The following RASA1 variants were observed in gnomAD, a reference collection of about 807,000 sequenced individuals.
RASA1 encodes RAS p21 protein activator 1, also known as ras GTPase-activating protein 1.
In RASA1, 25 loss-of-function variants were observed where a neutral mutation model predicts 132.2. The ratio of observed to expected loss-of-function variants is 0.19; its 90% confidence interval spans 0.14 to 0.26. RASA1 has a LOEUF of 0.26. Among genes scored for constraint, RASA1 ranks in the 10% least tolerant of loss-of-function variants. The pLI is 1.00. For missense variants in RASA1, 964 were observed against 1,299.2 expected (o/e 0.74, Z 3.97); for synonymous variants, 477 against 449.9 (o/e 1.06, Z -0.76).
At chr5:87,374,427 C>A in intron 14 of RASA1, 107 bp downstream of exon 14, 1 of 789,538 alleles carries the variant, frequency 1.3e-6, no homozygotes, top group Non-Finnish European at 1.9e-6. Context: ...GTACCATATC[C>A]AGGTGTTCTA....
chr5:87,282,750 G>T (rs1020020697), intron 1 of RASA1, among the ~76,000 whole-genome samples: 2 of 151,896 alleles, frequency 1.3e-5, no homozygotes, highest in Admixed American at 6.6e-5. Flanking sequence ...TCTTCCTGTT[G>T]TTCAGATGGG....
At chr5:87,350,956 G>A (rs2112425853) in intron 8 of RASA1, among the ~76,000 whole-genome samples, 1 of 151,734 alleles carries the variant, frequency 6.6e-6, no homozygotes, top group Non-Finnish European at 1.5e-5. Context: ...TGTTAGTAAT[G>A]TCAGAAATAA....
chr5:87,341,444 CT>C, intron 6 of RASA1, 123 bp downstream of exon 6: 1 of 485,938 alleles, frequency 2.1e-6, no homozygotes, highest in Non-Finnish European at 3.3e-6. Flanking sequence ...TTAAATTTGG[CT>C]TAGGGAACTG....
intron 5 of RASA1, among the ~76,000 whole-genome samples, chr5:87,340,918 A>C (rs1758385868): frequency 6.6e-6 from 1 of 152,098 alleles, no homozygotes; most frequent in African/African-American, 2.4e-5. Context: ...GTGGTAAACG[A>C]CTTCAGTTGC....
At chr5:87,324,609 G>T (rs572632451) in intron 1 of RASA1, among the ~76,000 whole-genome samples, 28 of 152,192 alleles carry the variant, frequency 1.8e-4, no homozygotes, top group Non-Finnish European at 2.9e-4. Flanking sequence ...CCCTTACTTT[G>T]AACTAACTTG....
Position 87,276,552 on chromosome 5 carries a change from T to C in RASA1, c.539+7562T>C, listed in dbSNP as rs534464604. The stretch of plus-strand genomic sequence containing the variant: ...AGAAATATACAATTCTACAGTCTAG[T>C]TGGAAGATGAGGCATTACTGGTAGG... On this transcript the variant is annotated intron_variant, in intron 1 of 24. Coordinates refer to ENST00000274376, the MANE Select transcript of RASA1 (RefSeq NM_002890.3). 3.9e-5 allele frequency among the ~76,000 whole-genome samples: 6 copies of C among 152,264 alleles called. No individual in the cohort carries two copies. In the East Asian group the frequency reaches 1.2e-3, roughly 29 times the overall value.
rs541375880 is a variant in RASA1 at position 87,296,301 on chromosome 5, C to T, written c.539+27311C>T. Among the ~76,000 whole-genome samples the T allele has an allele frequency of 3.3e-5, 5 of 152,204 alleles. No homozygotes were observed. In the East Asian group the frequency reaches 9.6e-4, roughly 29 times the overall value. ...CTTTTCTATCTTGTCATTCATTTCACTTATACATAGGCATACGCAAGCAGA... is the reference window on the plus strand; with the variant it reads ...CTTTTCTATCTTGTCATTCATTTCATTTATACATAGGCATACGCAAGCAGA... On this transcript the variant is annotated intron_variant, in intron 1 of 24. Transcript: ENST00000274376.
intron 9 of RASA1, 58 bp downstream of exon 9, chr5:87,353,293 T>G: frequency 7.2e-7 from 1 of 1,380,024 alleles, no homozygotes; most frequent in Non-Finnish European, 1.0e-6. Context: ...TGCATTTTGG[T>G]GGTATGTTTT....
chr5:87,360,375 C>T (rs1342823530), intron 9 of RASA1, among the ~76,000 whole-genome samples: 4 of 152,122 alleles, frequency 2.6e-5, no homozygotes, highest in African/African-American at 2.4e-5. Flanking sequence ...GTGCCCGCCT[C>T]GGCCTCCTAA....
chr5:87,269,753 TAA>T (rs919714010), intron 1 of RASA1, among the ~76,000 whole-genome samples: 6 of 152,214 alleles, frequency 3.9e-5, no homozygotes, highest in Non-Finnish European at 7.3e-5. Context: ...ATTTAAAAAT[TAA>T]GTTTTACAGT....
At position 87,338,923 on chromosome 5, in the gene RASA1, T is replaced by A. The variant is rs76044956; in HGVS notation, c.1017+832T>A. Reference sequence around the variant, plus strand: ...CATCATATAATACGTTATCATGGTATCAATTACCAGGTGCATTTTTAATAA... The same window carrying A: ...CATCATATAATACGTTATCATGGTAACAATTACCAGGTGCATTTTTAATAA... On this transcript the variant is annotated intron_variant, in intron 5 of 24. Coordinates refer to ENST00000274376, the MANE Select transcript of RASA1 (RefSeq NM_002890.3). Among the ~76,000 whole-genome samples the A allele has an allele frequency of 9.8e-3, 1,497 of 152,272 alleles. 9 individuals carry two copies. The highest frequency in any genetic ancestry group is 0.024 in the Middle Eastern group (7 of 294).
intron 1 of RASA1, among the ~76,000 whole-genome samples, chr5:87,284,334 C>G (rs918972209): frequency 1.3e-5 from 2 of 152,194 alleles, no homozygotes; most frequent in African/African-American, 4.8e-5. Flanking sequence ...GTTGCTTTCT[C>G]TCTCTATATA....
chr5:87,348,594 T>C (rs912910007), intron 7 of RASA1, among the ~76,000 whole-genome samples: 1 of 152,018 alleles, frequency 6.6e-6, no homozygotes, highest in Admixed American at 6.6e-5. Flanking sequence ...GAATCTACCT[T>C]TATAAAAAGC....
rs138429455 is a variant in RASA1 at position 87,389,450 on chromosome 5, T to C, written c.2983T>C (p.Leu995=). The C allele has an allele frequency of 1.2e-6, 2 of 1,614,094 alleles. No individual in the cohort carries two copies. Among genetic ancestry groups the C allele is most frequent in the Non-Finnish European group, 1.7e-6 (2 of 1,180,024 alleles). ...EHSRTDLSRD[L]AALHEICVAH... ...TTCTAGAACGGACCTGTCCCGTGAT[T>C]TAGCAGCATTGCATGAGATTTGCGT... The change falls in exon 24 of 25, where the codon TTA becomes CTA. Residue 995 remains leucine, a synonymous_variant. Transcript: ENST00000274376.
At chr5:87,383,319 T>C (rs1761855054) in intron 20 of RASA1, among the ~76,000 whole-genome samples, 1 of 152,114 alleles carries the variant, frequency 6.6e-6, no homozygotes, top group Non-Finnish European at 1.5e-5. Context: ...ATATAAAAAG[T>C]TTATTTCTAC....
chr5:87,376,654 A>C, intron 16 of RASA1, 89 bp downstream of exon 16: 7 of 1,470,122 alleles, frequency 4.8e-6, no homozygotes, highest in Non-Finnish European at 6.6e-6. Flanking sequence ...AAACATAGTA[A>C]TTCATAGCTT....
intron 11 of RASA1, among the ~76,000 whole-genome samples, chr5:87,368,655 T>A (rs752719916): frequency 2.0e-5 from 3 of 152,232 alleles, no homozygotes; most frequent in African/African-American, 4.8e-5. Context: ...ATGGAAAGCC[T>A]GAAATTCATT....
Position 87,362,673 on chromosome 5 carries a change from T to C in RASA1, c.1453+2T>C, listed in dbSNP as rs750421671. 1.2e-6 allele frequency: 2 copies of C among 1,605,308 alleles called. No homozygotes were observed. The highest frequency in any genetic ancestry group is 2.7e-5 in the African/African-American group (2 of 74,646). ...AGAAAGGTTATCTTCTGAAAAAGGG[T>C]AAGTTCAGACTTTTATCATTAACCC... is the stretch of plus-strand genomic sequence containing the variant. On this transcript the variant is annotated splice_donor_variant, in intron 10 of 24. Coordinates refer to ENST00000274376, the MANE Select transcript of RASA1 (RefSeq NM_002890.3). LOFTEE classifies it high-confidence loss of function.
intron 1 of RASA1, among the ~76,000 whole-genome samples, chr5:87,308,652 A>C (rs1755732923): frequency 6.6e-6 from 1 of 152,218 alleles, no homozygotes. Context: ...ACACATAAGT[A>C]TACGTTTACC....
Sources: gnomAD v4.1 joint callset for allele counts (sites outside exome capture counted in the v4.1 genomes callset) on GRCh38, gnomAD v4.1.1 for gene constraint, MANE v1.5 for transcripts, NCBI Gene and HGNC (gene_info 2026-07-23, HGNC 2026-07-21) for gene names.